The following DYNC2LI1 variants were observed in gnomAD, a reference collection of about 807,000 sequenced individuals.
DYNC2LI1 encodes dynein cytoplasmic 2 light intermediate chain 1.
DYNC2LI1 carries 45 observed loss-of-function variants against 51.9 expected under a neutral mutation model. The observed-to-expected ratio is 0.87, with a 90% CI of 0.68 to 1.11. DYNC2LI1 has a LOEUF of 1.11. Ranked by LOEUF, DYNC2LI1 falls within the 50% of genes most tolerant of loss-of-function variation. The pLI is 0.00. For synonymous variants in DYNC2LI1, 130 were observed against 137.8 expected, an observed-to-expected ratio of 0.94 and a Z score of 0.40; for missense variants, 490 against 417.4, an observed-to-expected ratio of 1.17 and a Z score of -1.51.
the DYNC2LI1 span, chr2:43,826,480 T>G: frequency 6.2e-7 from 1 of 1,614,212 alleles, no homozygotes; most frequent in Non-Finnish European, 8.5e-7. Flanking sequence ...TTAGCAGTCA[T>G]GCAGTCCAGG....
the DYNC2LI1 span, among the ~76,000 whole-genome samples, chr2:43,816,870 C>G: frequency 6.6e-6 from 1 of 152,176 alleles, no homozygotes; most frequent in Non-Finnish European, 1.5e-5. Context: ...TACTTTCTTC[C>G]ACATCCACAT....
At position 43,799,289 on chromosome 2, in the gene DYNC2LI1, G is replaced by A. The variant is rs1322933253; in HGVS notation, c.655-1552G>A. Among the ~76,000 whole-genome samples, 6 of 152,174 alleles carry A rather than the reference G, an allele frequency of 3.9e-5. No individual in the cohort carries two copies. The South Asian group carries it at 8.3e-4, about 21-fold the overall frequency. On this transcript the variant is annotated intron_variant, in intron 8 of 12. Transcript: ENST00000260605. ...TGCACTCCAGCCTGGGAAGCAGAGC[G>A]AGACCCCATCTCTTAAAAAACCAAT...
chr2:43,783,694 A>G lies in DYNC2LI1; in HGVS notation c.161+140A>G, dbSNP rs1051800037. 3.3e-5 allele frequency: 18 copies of G among 542,618 alleles called. No individual in the cohort carries two copies. In the Admixed American group the frequency reaches 6.6e-4, roughly 20 times the overall value. The allele number at this position is 542,618 out of a possible 1,614,324, so 33.6% of individuals were successfully genotyped here. A position where few individuals can be genotyped will look rare whatever the true frequency, so the allele number is the denominator to read the frequency against. On this transcript the variant is annotated intron_variant, in intron 3 of 12. Coordinates refer to ENST00000260605, the MANE Select transcript of DYNC2LI1 (RefSeq NM_016008.4). ...TAATTCTTAGCAAATCCTTAGTATAACCTTTAAGAGCGCCTTTAAATATAA... is the reference window on the plus strand; with the variant it reads ...TAATTCTTAGCAAATCCTTAGTATAGCCTTTAAGAGCGCCTTTAAATATAA...
intron 4 of DYNC2LI1, among the ~76,000 whole-genome samples, chr2:43,789,198 ATTCTGCGAGC>A: frequency 6.6e-6 from 1 of 152,142 alleles, no homozygotes; most frequent in Non-Finnish European, 1.5e-5. Flanking sequence ...TGTCTAATTC[ATTCTGCGAGC>A]TTCTGTCTTC....
At chr2:43,799,028 G>A (rs1170903880) in intron 8 of DYNC2LI1, among the ~76,000 whole-genome samples, 1 of 152,126 alleles carries the variant, frequency 6.6e-6, no homozygotes, top group Admixed American at 6.5e-5. Context: ...CAGGCCAGGT[G>A]TGGTAGCTCT....
In DYNC2LI1 at chr2:43,776,864, G is replaced by GA. The variant is rs1673049839; in HGVS notation, c.96dup (p.Phe33IlefsTer8). ...TGAAGGTGATGGAGCTGAAATTGCAGAAAAATTTGTTTTCTTCATTGGCAG... is the reference window on the plus strand; with the variant it reads ...TGAAGGTGATGGAGCTGAAATTGCAGAAAAAATTTGTTTTCTTCATTGGCAG... On this transcript the variant is annotated frameshift_variant, in exon 2 of 13. Coordinates refer to ENST00000260605, the MANE Select transcript of DYNC2LI1 (RefSeq NM_016008.4). LOFTEE classifies it high-confidence loss of function. 1.2e-6 allele frequency: 2 copies of GA among 1,604,218 alleles called. No individual in the cohort carries two copies. Among genetic ancestry groups the GA allele is most frequent in the African/African-American group, 2.7e-5 (2 of 74,468 alleles).
chr2:43,778,776 A>G lies in DYNC2LI1; in HGVS notation c.126+1877A>G, dbSNP rs1239797560. Reference sequence around the variant, plus strand: ...AGTTATTCTTGACTCCCTTGTAGTCATGATACCCTGTTTTGTCTTGTTTTG... The same window carrying G: ...AGTTATTCTTGACTCCCTTGTAGTCGTGATACCCTGTTTTGTCTTGTTTTG... On this transcript the variant is annotated intron_variant, in intron 2 of 12. Coordinates refer to ENST00000260605, the MANE Select transcript of DYNC2LI1 (RefSeq NM_016008.4). Among the ~76,000 whole-genome samples the G allele has an allele frequency of 2.6e-5, 4 of 152,166 alleles. No homozygotes were observed. The East Asian group carries it at 7.7e-4, about 29-fold the overall frequency.
At chr2:43,817,528 C>T in the DYNC2LI1 span, among the ~76,000 whole-genome samples, 17 of 151,934 alleles carry the variant, frequency 1.1e-4, no homozygotes, top group African/African-American at 3.9e-4. Flanking sequence ...CAACTAACCT[C>T]CTTTTCCTAA....
the DYNC2LI1 span, chr2:43,828,086 C>T: frequency 1.9e-6 from 3 of 1,613,968 alleles, no homozygotes; most frequent in Non-Finnish European, 2.5e-6. Context: ...CCACATGGCT[C>T]AGACTCAGCT....
chr2:43,815,064 C>G, the DYNC2LI1 span, among the ~76,000 whole-genome samples: 2 of 152,114 alleles, frequency 1.3e-5, no homozygotes, highest in East Asian at 3.8e-4. Context: ...AAAATACAGA[C>G]CTAACACATA....
intron 5 of DYNC2LI1, chr2:43,792,741 A>T: frequency 6.5e-7 from 1 of 1,547,478 alleles, no homozygotes; most frequent in Non-Finnish European, 8.7e-7. Context: ...CCTCATATAA[A>T]TGAAATCATT....
At chr2:43,820,549 A>G in the DYNC2LI1 span, among the ~76,000 whole-genome samples, 19 of 152,202 alleles carry the variant, frequency 1.2e-4, no homozygotes, top group Admixed American at 1.2e-3. Context: ...ATTATTGCCT[A>G]CGTGAAAATC....
the DYNC2LI1 span, among the ~76,000 whole-genome samples, chr2:43,816,688 C>G: frequency 6.6e-6 from 1 of 152,122 alleles, no homozygotes; most frequent in South Asian, 2.1e-4. Flanking sequence ...AAATTACAGG[C>G]ACGTGACACC....
At chr2:43,774,167 G>A in intron 1 of DYNC2LI1, 21 bp downstream of exon 1, 1 of 1,613,696 alleles carries the variant, frequency 6.2e-7, no homozygotes, top group South Asian at 1.1e-5. Context: ...AACCCGGCTT[G>A]CGTGGGAAAG....
intron 5 of DYNC2LI1, chr2:43,792,597 C>A: frequency 7.1e-7 from 1 of 1,401,364 alleles, no homozygotes; most frequent in Non-Finnish European, 9.4e-7. Flanking sequence ...CATCACCATA[C>A]ATCTCCAGAA....
chr2:43,792,366 A>G (rs933045091), intron 5 of DYNC2LI1, among the ~76,000 whole-genome samples: 2 of 152,162 alleles, frequency 1.3e-5, no homozygotes, highest in South Asian at 4.1e-4. Flanking sequence ...ATTTTGTGCT[A>G]TGTCTTCTAG....
chr2:43,795,842 C>T, intron 6 of DYNC2LI1, 48 bp from the exon 7 acceptor site: 1 of 1,415,682 alleles, frequency 7.1e-7, no homozygotes, highest in Non-Finnish European at 1.0e-6. Context: ...TGCTAAGCAC[C>T]TAGCAATAAA....
chr2:43,800,570 A>G (rs1472768651), intron 8 of DYNC2LI1, among the ~76,000 whole-genome samples: 1 of 152,274 alleles, frequency 6.6e-6, no homozygotes, highest in East Asian at 1.9e-4. Flanking sequence ...TTTGACAGTG[A>G]TTATGGTCCA....
chr2:43,783,379 C>T (rs1000808632), intron 2 of DYNC2LI1, 141 bp from the exon 3 acceptor site: 11 of 679,900 alleles, frequency 1.6e-5, no homozygotes, highest in South Asian at 9.5e-5. Context: ...AGAACAATTC[C>T]GAAAGTTTCT....
Sources: allele counts gnomAD v4.1 joint callset (sites outside exome capture counted in the v4.1 genomes callset), GRCh38; gene constraint gnomAD v4.1.1; transcripts MANE v1.5; gene names NCBI Gene and HGNC (gene_info 2026-07-23, HGNC 2026-07-21).